Variants in MYRIP observed in about 807,000 individuals in gnomAD.
MYRIP encodes the protein myosin VIIA and Rab interacting protein.
MYRIP carries 49 observed loss-of-function variants against 98.0 expected under a neutral mutation model. The ratio of observed to expected loss-of-function variants is 0.50; its 90% confidence interval spans 0.40 to 0.63. The LOEUF is 0.63. Among genes scored for constraint, MYRIP ranks in the 30% least tolerant of loss-of-function variants. The probability of loss-of-function intolerance (pLI) is 0.00; values close to 1 mark genes in which losing one functional copy is unlikely to be tolerated. For missense variants in MYRIP, 1,004 were observed against 1,058.2 expected (o/e 0.95, Z 0.71); for synonymous variants, 404 against 409.5 (o/e 0.99, Z 0.16).
At chr3:39,928,598 A>G (rs918958067) in intron 2 of MYRIP, among the ~76,000 whole-genome samples, 2 of 151,864 alleles carry the variant, frequency 1.3e-5, no homozygotes, top group African/African-American at 4.8e-5. Context: ...ATATCAACCA[A>G]TGCAGAAAAA....
At position 39,961,565 on chromosome 3, in the gene MYRIP, C is replaced by T. The variant is rs1030295930; in HGVS notation, c.110+60639C>T. On this transcript the variant is annotated intron_variant, in intron 2 of 16. Transcript: ENST00000302541. ...CATGTTGAGTCTGGATTGTTGAGGC[C>T]GGAGAGTAAGGCACTGGGTTTGAAG... Among the ~76,000 whole-genome samples, 9 of 152,008 alleles carry T rather than the reference C, an allele frequency of 5.9e-5. No individual in the cohort carries two copies. The South Asian group carries it at 1.7e-3, about 28-fold the overall frequency.
intron 4 of MYRIP, among the ~76,000 whole-genome samples, chr3:40,154,189 G>A (rs923231417): frequency 2.0e-5 from 3 of 151,452 alleles, no homozygotes; most frequent in South Asian, 2.1e-4. Context: ...ACAGTCTCAC[G>A]TATCACCCAT....
chr3:40,245,340 A>AT (rs997363676), intron 13 of MYRIP, among the ~76,000 whole-genome samples: 15 of 151,890 alleles, frequency 9.9e-5, no homozygotes, highest in Admixed American at 5.9e-4. Flanking sequence ...ACCCATGACA[A>AT]TTTTTTTCTT....
chr3:39,861,449 G>C (rs9833758), intron 1 of MYRIP, among the ~76,000 whole-genome samples: 71,956 of 152,020 alleles, frequency 0.47, 17,991 homozygotes, highest in African/African-American at 0.64. Context: ...TTCTTACCTC[G>C]CAACAACCAC....
chr3:39,829,902 C>G (rs1196282938), intron 1 of MYRIP, among the ~76,000 whole-genome samples: 2 of 152,094 alleles, frequency 1.3e-5, no homozygotes, highest in Admixed American at 6.5e-5. Flanking sequence ...AACATCCTGG[C>G]CTCTCAGTTC....
At chr3:40,034,515 A>G (rs892454064) in intron 2 of MYRIP, among the ~76,000 whole-genome samples, 2 of 151,884 alleles carry the variant, frequency 1.3e-5, no homozygotes, top group African/African-American at 4.8e-5. Flanking sequence ...AATCAAAACC[A>G]CAATGAGATA....
intron 3 of MYRIP, among the ~76,000 whole-genome samples, chr3:40,079,466 G>T (rs1948427356): frequency 6.6e-6 from 1 of 152,230 alleles, no homozygotes; most frequent in Admixed American, 6.5e-5. Context: ...AAAGAGTCCT[G>T]TTGGCAGCTC....
Position 40,014,665 on chromosome 3 carries a change from G to A in MYRIP, c.111-29385G>A, listed in dbSNP as rs191540716. 3.2e-3 allele frequency among the ~76,000 whole-genome samples: 488 copies of A among 152,206 alleles called. 14 individuals carry two copies. Among genetic ancestry groups the A allele is most frequent in the Admixed American group, 0.029 (441 of 15,290 alleles). The stretch of plus-strand genomic sequence containing the variant: ...TATTCCTGCCACCATTGTGGTCTAT[G>A]GTAGTTTCTATCTCTCTGGAAAGGT... On this transcript the variant is annotated intron_variant, in intron 2 of 16. Transcript: ENST00000302541.
At chr3:40,234,403 T>C (rs1009128037) in intron 12 of MYRIP, among the ~76,000 whole-genome samples, 2 of 152,126 alleles carry the variant, frequency 1.3e-5, no homozygotes, top group African/African-American at 4.8e-5. Context: ...CATCTCAGAG[T>C]TGTCCTGACC....
At chr3:40,197,762 A>C (rs1951438696) in intron 10 of MYRIP, among the ~76,000 whole-genome samples, 1 of 152,222 alleles carries the variant, frequency 6.6e-6, no homozygotes, top group Non-Finnish European at 1.5e-5. Flanking sequence ...AGTAAAATTC[A>C]CATGATGCCT....
intron 1 of MYRIP, among the ~76,000 whole-genome samples, chr3:39,875,691 C>T (rs1239712288): frequency 1.3e-5 from 2 of 150,936 alleles, no homozygotes; most frequent in African/African-American, 2.5e-5. Flanking sequence ...TTTGATTGCA[C>T]TGTGGTCTGA....
rs149372295 is a variant in MYRIP at position 39,957,955 on chromosome 3, A to C, written c.110+57029A>C. Among the ~76,000 whole-genome samples, 1,165 of 152,302 alleles carry C rather than the reference A, an allele frequency of 7.6e-3. 11 individuals are homozygous for C. Among genetic ancestry groups the C allele is most frequent in the African/African-American group, 0.027 (1,117 of 41,548 alleles). On this transcript the variant is annotated intron_variant, in intron 2 of 16. Coordinates refer to ENST00000302541, the MANE Select transcript of MYRIP (RefSeq NM_015460.4). ...TTACTTCAAAGAGAATAAAATACCT[A>C]GGAATCTAACTTACAAGGGATGTGA...
intron 2 of MYRIP, among the ~76,000 whole-genome samples, chr3:39,987,787 G>A (rs911483795): frequency 1.3e-5 from 2 of 152,114 alleles, no homozygotes; most frequent in African/African-American, 4.8e-5. Flanking sequence ...AGTTTTTCTG[G>A]ATATGAAATT....
intron 2 of MYRIP, among the ~76,000 whole-genome samples, chr3:40,009,858 G>A (rs558713091): frequency 1.2e-4 from 19 of 152,220 alleles, no homozygotes; most frequent in Non-Finnish European, 2.4e-4. Context: ...CAAAGTAGGC[G>A]TTATTGGCCT....
At chr3:40,166,801 C>T in intron 5 of MYRIP, 45 bp from the exon 6 acceptor site, 1 of 1,269,894 alleles carries the variant, frequency 7.9e-7, no homozygotes, top group Non-Finnish European at 1.2e-6. Flanking sequence ...TCGTTTTACT[C>T]ATCATTCCCT....
chr3:39,876,041 T>G (rs1163579970), intron 1 of MYRIP, among the ~76,000 whole-genome samples: 1 of 152,168 alleles, frequency 6.6e-6, no homozygotes, highest in Admixed American at 6.5e-5. Context: ...TGGGTGCATA[T>G]ATATTTAGGA....
intron 3 of MYRIP, among the ~76,000 whole-genome samples, chr3:40,055,084 GA>G: frequency 6.6e-6 from 1 of 152,174 alleles, no homozygotes; most frequent in African/African-American, 2.4e-5. Context: ...ACATGGTAGG[GA>G]AAAAATGACA....
intron 3 of MYRIP, among the ~76,000 whole-genome samples, chr3:40,095,208 G>A (rs746290318): frequency 3.3e-5 from 5 of 152,160 alleles, no homozygotes; most frequent in African/African-American, 4.8e-5. Flanking sequence ...CTCCTTTCAA[G>A]ATTTTTCAAG....
rs748514972 is a variant in MYRIP at position 40,234,027 on chromosome 3, G to A, written c.2074G>A (p.Glu692Lys). 1 of 1,606,620 alleles carries A rather than the reference G, an allele frequency of 6.2e-7. No individual in the cohort carries two copies. The highest frequency in any genetic ancestry group is 8.5e-7 in the Non-Finnish European group (1 of 1,177,936). ...PRGTDQVRLDEQLTSLEENVY... is the reference protein window; with the variant it reads ...PRGTDQVRLDKQLTSLEENVY... ...TGGGACAGACCAAGTGAGACTGGAT[G>A]AGCAGCTGACTTCCCTGGAAGAAAA... Residue 692 changes from glutamate to lysine, a missense_variant, in exon 12 of 17, where the codon GAG (glutamate) becomes AAG (lysine). Glu to Lys is a moderately conservative substitution (Grantham distance 56). This residue lies in a region of MYRIP where 880 missense variants were observed against 907.7 expected (regional missense o/e 0.97). Transcript: ENST00000302541.
Sources: allele counts gnomAD v4.1 joint callset (sites outside exome capture counted in the v4.1 genomes callset), GRCh38; gene constraint gnomAD v4.1.1; regional missense constraint gnomAD v4.1.1; transcripts MANE v1.5; gene names NCBI Gene and HGNC (gene_info 2026-07-23, HGNC 2026-07-21).